RASGRF2: variants seen among roughly 807,000 people sequenced by gnomAD.
RASGRF2 encodes the protein ras-specific guanine nucleotide-releasing factor 2.
In RASGRF2, 76 loss-of-function variants were observed where a neutral mutation model predicts 151.0. The ratio of observed to expected loss-of-function variants is 0.50; its 90% CI spans 0.42 to 0.61. RASGRF2 has a LOEUF of 0.61. Ranked by LOEUF, RASGRF2 falls within the 20% of genes least tolerant of loss-of-function variation. RASGRF2 has a pLI of 0.00. For synonymous variants in RASGRF2, 504 were observed against 566.5 expected, an observed-to-expected ratio of 0.89 and a Z score of 1.57; for missense variants, 1,148 against 1,564.6, an observed-to-expected ratio of 0.73 and a Z score of 4.49.
intron 1 of RASGRF2, among the ~76,000 whole-genome samples, chr5:80,996,071 TTCC>T (rs989013868): frequency 4.6e-5 from 7 of 151,930 alleles, no homozygotes; most frequent in East Asian, 1.9e-4. Flanking sequence ...ACCTTATCTC[TTCC>T]TCCTCCTCCT....
chr5:81,185,611 T>C (rs1225846620), intron 18 of RASGRF2, among the ~76,000 whole-genome samples: 3 of 152,084 alleles, frequency 2.0e-5, no homozygotes, highest in African/African-American at 7.2e-5. Flanking sequence ...AGCTGGCCAC[T>C]GCCCACCTGC....
intron 17 of RASGRF2, among the ~76,000 whole-genome samples, chr5:81,132,865 T>C (rs552361874): frequency 6.6e-6 from 1 of 152,268 alleles, no homozygotes; most frequent in African/African-American, 2.4e-5. Flanking sequence ...GAAAATAATA[T>C]AAAATTATAA....
At chr5:81,091,572 C>T (rs1752389870) in intron 9 of RASGRF2, among the ~76,000 whole-genome samples, 1 of 152,122 alleles carries the variant, frequency 6.6e-6, no homozygotes, top group African/African-American at 2.4e-5. Context: ...TCTCTTGCCA[C>T]CCTGTACACC....
At chr5:81,003,960 A>G (rs2112297391) in intron 1 of RASGRF2, among the ~76,000 whole-genome samples, 1 of 152,314 alleles carries the variant, frequency 6.6e-6, no homozygotes, top group East Asian at 1.9e-4. Context: ...GACTTTAACT[A>G]GAGAGGGGAT....
rs144824309 is a variant in RASGRF2 at position 81,172,807 on chromosome 5, C to T, written c.2687-7368C>T. ...TTTGGGGGCCCTCGGATAGAAACTT[C>T]CTCTATCTTCAGTGGAAGTTTCCAG... is the stretch of plus-strand genomic sequence containing the variant. On this transcript the variant is annotated intron_variant, in intron 17 of 26. Coordinates refer to ENST00000265080, the MANE Select transcript of RASGRF2 (RefSeq NM_006909.3). 7.8e-4 allele frequency among the ~76,000 whole-genome samples: 119 copies of T among 152,234 alleles called. 1 individual carries two copies. Among genetic ancestry groups the T allele is most frequent in the African/African-American group, 2.8e-3 (117 of 41,544 alleles).
intron 26 of RASGRF2, among the ~76,000 whole-genome samples, chr5:81,222,239 A>G (rs928120520): frequency 4.6e-5 from 7 of 152,194 alleles, no homozygotes; most frequent in African/African-American, 1.7e-4. Flanking sequence ...ATTTGTATTA[A>G]GCTAAATATA....
intron 17 of RASGRF2, among the ~76,000 whole-genome samples, chr5:81,147,578 G>T (rs1462953174): frequency 6.6e-6 from 1 of 152,226 alleles, no homozygotes; most frequent in Admixed American, 6.5e-5. Flanking sequence ...ATAGTGCTGT[G>T]ATGTGCTCTT....
At chr5:81,206,463 T>G (rs1191815846) in intron 19 of RASGRF2, among the ~76,000 whole-genome samples, 1 of 152,048 alleles carries the variant, frequency 6.6e-6, no homozygotes, top group Non-Finnish European at 1.5e-5. Flanking sequence ...GATAGAGGTG[T>G]GGGGAGGAGG....
chr5:81,156,195 T>A (rs1208217830), intron 17 of RASGRF2, among the ~76,000 whole-genome samples: 2 of 152,114 alleles, frequency 1.3e-5, no homozygotes, highest in South Asian at 2.1e-4. Flanking sequence ...GTAATTAAAA[T>A]TTTTCCCAAA....
chr5:81,053,662 A>C (rs1362103794), intron 2 of RASGRF2, among the ~76,000 whole-genome samples: 1 of 152,190 alleles, frequency 6.6e-6, no homozygotes, highest in Non-Finnish European at 1.5e-5. Flanking sequence ...GACTAGGTCA[A>C]ATGGTATTTC....
intron 23 of RASGRF2, among the ~76,000 whole-genome samples, chr5:81,215,095 T>C (rs923783074): frequency 1.3e-5 from 2 of 151,930 alleles, no homozygotes; most frequent in Admixed American, 6.6e-5. Flanking sequence ...TCCCCACATT[T>C]TGGGAGGCCG....
chr5:81,180,019 A>G (rs1317194745), intron 17 of RASGRF2, among the ~76,000 whole-genome samples, 156 bp from the exon 18 acceptor site: 1 of 152,132 alleles, frequency 6.6e-6, no homozygotes, highest in African/African-American at 2.4e-5. Context: ...GTAATAGGTG[A>G]GCGGAATTCA....
At chr5:81,123,576 A>G (rs1753369705) in intron 15 of RASGRF2, 66 bp from the exon 16 acceptor site, 3 of 1,554,778 alleles carry the variant, frequency 1.9e-6, no homozygotes, top group South Asian at 1.2e-5. Context: ...GTTTCCATGC[A>G]TGATACTGAC....
At chr5:80,979,312 C>A (rs1580161932) in intron 1 of RASGRF2, among the ~76,000 whole-genome samples, 1 of 152,030 alleles carries the variant, frequency 6.6e-6, no homozygotes, top group Admixed American at 6.5e-5. Flanking sequence ...AAATGAAAGA[C>A]CAAATATAGT....
chr5:81,225,846 T>C lies in RASGRF2; in HGVS notation c.*76T>C. The stretch of plus-strand genomic sequence containing the variant: ...GACAGAATTGTGTATGCCTTGCCTA[T>C]CACGGTACAGCACGAAGCCAGGCTC... On this transcript the variant is annotated 3_prime_UTR_variant, in exon 27 of 27. Coordinates refer to ENST00000265080, the MANE Select transcript of RASGRF2 (RefSeq NM_006909.3). 1 of 1,496,718 alleles carries C rather than the reference T, an allele frequency of 6.7e-7. No individual in the cohort carries two copies. Among genetic ancestry groups the C allele is most frequent in the South Asian group, 1.2e-5 (1 of 80,712 alleles). 92.7% of individuals were successfully genotyped at this position (1,496,718 alleles called of 1,614,324 possible).
chr5:81,083,140 A>G (rs1470970463), intron 7 of RASGRF2, among the ~76,000 whole-genome samples: 3 of 152,290 alleles, frequency 2.0e-5, no homozygotes, highest in Middle Eastern at 3.4e-3. Context: ...TGAAATAGTC[A>G]TGGAGGTATT....
chr5:81,127,944 A>AAG (rs1753508089), intron 17 of RASGRF2, among the ~76,000 whole-genome samples: 1 of 150,836 alleles, frequency 6.6e-6, no homozygotes, highest in Non-Finnish European at 1.5e-5. Flanking sequence ...AAAAAAAAAA[A>AAG]AAAGAAAAGA....
chr5:80,999,491 T>C (rs1749009304), intron 1 of RASGRF2, among the ~76,000 whole-genome samples: 1 of 152,114 alleles, frequency 6.6e-6, no homozygotes, highest in Non-Finnish European at 1.5e-5. Context: ...TACAGGTGCG[T>C]GCCACCATGC....
intron 5 of RASGRF2, among the ~76,000 whole-genome samples, chr5:81,077,526 C>T (rs900271901): frequency 1.3e-5 from 2 of 152,118 alleles, no homozygotes; most frequent in Non-Finnish European, 2.9e-5. Flanking sequence ...TCTGATAATA[C>T]GAGATTAAAA....
Sources: gnomAD v4.1 joint callset for allele counts (sites outside exome capture counted in the v4.1 genomes callset) on GRCh38, gnomAD v4.1.1 for gene constraint, MANE v1.5 for transcripts, NCBI Gene and HGNC (gene_info 2026-07-23, HGNC 2026-07-21) for gene names.